CDH18: variants seen among roughly 807,000 people sequenced by gnomAD.
The protein encoded by CDH18 is cadherin 18.
Under a neutral mutation model 67.9 loss-of-function variants are expected in CDH18, and 31 were observed. The observed-to-expected ratio is 0.46, with a 90% CI of 0.34 to 0.62. CDH18 has a LOEUF of 0.62. CDH18 is among the 20% of genes least tolerant of loss of function. The probability of loss-of-function intolerance (pLI) is 0.01; values close to 1 mark genes in which losing one functional copy is unlikely to be tolerated. For synonymous variants in CDH18, 362 were observed against 347.2 expected (o/e 1.04, Z -0.48); for missense variants, 890 against 975.5 (o/e 0.91, Z 1.17).
At chr5:20,442,158 C>T (rs1749656420) in intron 1 of CDH18, among the ~76,000 whole-genome samples, 1 of 151,850 alleles carries the variant, frequency 6.6e-6, no homozygotes, top group African/African-American at 2.4e-5. Context: ...AGAATGAATG[C>T]AGTACCCCTG....
chr5:19,885,990 T>C (rs1056812924), intron 2 of CDH18: 2 of 152,192 alleles, frequency 1.3e-5, no homozygotes, highest in African/African-American at 4.8e-5. Flanking sequence ...AGAACTTCTG[T>C]ATCATGCCAT....
chr5:20,243,750 A>T (rs1743165385), intron 2 of CDH18, among the ~76,000 whole-genome samples: 1 of 152,106 alleles, frequency 6.6e-6, no homozygotes, highest in South Asian at 2.1e-4. Flanking sequence ...AAATGAAAAA[A>T]ATACATTACA....
At chr5:20,223,207 T>G (rs899953472) in intron 2 of CDH18, among the ~76,000 whole-genome samples, 2 of 152,128 alleles carry the variant, frequency 1.3e-5, no homozygotes, top group African/African-American at 4.8e-5. Context: ...ACCTCTTGCA[T>G]CAGCATGACC....
intron 1 of CDH18, among the ~76,000 whole-genome samples, chr5:20,543,486 G>GCTGA (rs1757169349): frequency 6.6e-6 from 1 of 151,988 alleles, no homozygotes; most frequent in African/African-American, 2.4e-5. Flanking sequence ...CTGCTGTCAT[G>GCTGA]GATTTAAAGC....
At chr5:19,719,810 T>G (rs1399045185) in intron 5 of CDH18, among the ~76,000 whole-genome samples, 1 of 151,654 alleles carries the variant, frequency 6.6e-6, no homozygotes, top group Admixed American at 6.6e-5. Context: ...CATTTCTATA[T>G]CTATATATGT....
intron 1 of CDH18, among the ~76,000 whole-genome samples, chr5:20,374,240 A>AC (rs1488926656): frequency 6.6e-6 from 1 of 152,202 alleles, no homozygotes; most frequent in Non-Finnish European, 1.5e-5. Context: ...GCTCAATTCT[A>AC]CAGATACCGG....
chr5:19,504,308 A>T, intron 10 of CDH18, among the ~76,000 whole-genome samples: 1 of 152,042 alleles, frequency 6.6e-6, no homozygotes, highest in East Asian at 1.9e-4. Flanking sequence ...ACTGCTCAAA[A>T]GATACATGTT....
At chr5:20,200,625 G>A (rs540908120) in intron 2 of CDH18, among the ~76,000 whole-genome samples, 1 of 152,076 alleles carries the variant, frequency 6.6e-6, no homozygotes, top group Non-Finnish European at 1.5e-5. Flanking sequence ...GCAGTGAGCT[G>A]TGATTGGGCC....
At chr5:20,307,966 AT>A (rs1736618756) in intron 1 of CDH18, among the ~76,000 whole-genome samples, 1 of 151,628 alleles carries the variant, frequency 6.6e-6, no homozygotes, top group African/African-American at 2.4e-5. Context: ...AAACAGGAAC[AT>A]TTGTTTTTAT....
rs7729711 is a variant in CDH18 at position 20,234,545 on chromosome 5, A to G, written c.-518+20899T>C. On this transcript the variant is annotated intron_variant, in intron 2 of 14. Transcript: ENST00000507958. ...ATATCAAGATGATGGCCATCTGTAA[A>G]CCAGAAAGCAGGCCCTGAGCAGACA... Among the ~76,000 whole-genome samples, 744 of 152,160 alleles carry G rather than the reference A, an allele frequency of 4.9e-3. 8 individuals are homozygous for G. The highest frequency in any genetic ancestry group is 0.017 in the African/African-American group (686 of 41,508).
intron 2 of CDH18, among the ~76,000 whole-genome samples, chr5:20,067,118 A>G (rs1025590668): frequency 1.3e-5 from 2 of 151,982 alleles, no homozygotes; most frequent in Non-Finnish European, 2.9e-5. Context: ...GAGATTATTT[A>G]ACATGTAGGG....
Position 19,473,715 on chromosome 5 carries a change from T to C in CDH18, c.1884A>G (p.Ala628=). Residue 628 remains alanine, a splice_region_variant and synonymous_variant, in exon 13 of 13, where the codon GCA becomes GCG. Transcript: ENST00000382275. ...AILLCVLILL[A]IVVLFITLRR... is the part of the protein sequence containing the mutation. ...TCAGGGTGATAAAAAGTACCACAAT[T>C]GCTGAGGAAGAATGGAAAAAGGATG... 6.3e-7 allele frequency: 1 copy of C among 1,587,178 alleles called. No individual in the cohort carries two copies. The highest frequency in any genetic ancestry group is 8.6e-7 in the Non-Finnish European group (1 of 1,166,612).
At chr5:20,464,192 C>G (rs986218920) in intron 1 of CDH18, among the ~76,000 whole-genome samples, 2 of 151,906 alleles carry the variant, frequency 1.3e-5, no homozygotes, top group African/African-American at 4.8e-5. Flanking sequence ...TATTGACAAA[C>G]CAATCAAAAA....
chr5:20,400,256 G>C lies in CDH18; in HGVS notation c.-579-144751C>G, dbSNP rs984777543. On this transcript the variant is annotated intron_variant, in intron 1 of 14. Transcript: ENST00000507958. ...GACCCTTTGGGAGCTGAGACGGGTG[G>C]ATCATGAGGTCAGGAATTTGAGACC... 3.9e-5 allele frequency among the ~76,000 whole-genome samples: 6 copies of C among 151,988 alleles called. No homozygotes were observed. In the South Asian group the frequency reaches 1.0e-3, roughly 26 times the overall value.
intron 3 of CDH18, among the ~76,000 whole-genome samples, chr5:19,751,390 T>C (rs1770822412): frequency 6.6e-6 from 1 of 152,240 alleles, no homozygotes. Flanking sequence ...TTTATATACT[T>C]GTTTATAAGT....
intron 8 of CDH18, among the ~76,000 whole-genome samples, chr5:19,544,278 A>G (rs1735925009): frequency 6.6e-6 from 1 of 152,090 alleles, no homozygotes; most frequent in South Asian, 2.1e-4. Flanking sequence ...AACAGCGATT[A>G]ATAGTGGAGA....
At chr5:20,442,330 T>G (rs1239846665) in intron 1 of CDH18, among the ~76,000 whole-genome samples, 1 of 151,940 alleles carries the variant, frequency 6.6e-6, no homozygotes, top group Non-Finnish European at 1.5e-5. Context: ...AGGCATACAT[T>G]TTGACATGTG....
chr5:20,294,109 A>G (rs1747308940), intron 1 of CDH18, among the ~76,000 whole-genome samples: 2 of 152,160 alleles, frequency 1.3e-5, no homozygotes, highest in Non-Finnish European at 2.9e-5. Context: ...CTGAGGCCTA[A>G]TATTTACCAC....
At chr5:19,864,466 C>A (rs1256808052) in intron 2 of CDH18, among the ~76,000 whole-genome samples, 14 of 151,740 alleles carry the variant, frequency 9.2e-5, no homozygotes, top group Admixed American at 8.5e-4. Flanking sequence ...CATCATGGCA[C>A]ATGTATACAT....
Sources: gnomAD v4.1 joint callset for allele counts (sites outside exome capture counted in the v4.1 genomes callset) on GRCh38, gnomAD v4.1.1 for gene constraint, MANE v1.5 for transcripts, NCBI Gene and HGNC (gene_info 2026-07-23, HGNC 2026-07-21) for gene names.